The following GMDS variants were observed in gnomAD, a reference collection of about 807,000 sequenced individuals.
GMDS encodes GDP-mannose 4,6 dehydratase.
A neutral mutation model predicts 49.9 loss-of-function variants in GMDS; 20 were observed. The observed-to-expected ratio is 0.40, with a 90% CI of 0.28 to 0.58. The LOEUF is 0.58. Ranked by LOEUF, GMDS falls within the 20% of genes least tolerant of loss-of-function variation. GMDS has a pLI of 0.42. For synonymous variants in GMDS, 177 were observed against 178.6 expected (o/e 0.99, Z 0.07); for missense variants, 362 against 481.4 (o/e 0.75, Z 2.32).
chr6:2,185,067 C>G (rs572195879), intron 1 of GMDS, among the ~76,000 whole-genome samples: 1 of 152,202 alleles, frequency 6.6e-6, no homozygotes. Context: ...GGAGGATAGG[C>G]TATTGGTCAA....
At chr6:2,001,076 C>T (rs1320629254) in intron 4 of GMDS, among the ~76,000 whole-genome samples, 1 of 152,160 alleles carries the variant, frequency 6.6e-6, no homozygotes, top group East Asian at 1.9e-4. Flanking sequence ...AGACTGTTTG[C>T]AGAAGTGGCT....
At chr6:1,678,239 T>G (rs963604174) in intron 9 of GMDS, among the ~76,000 whole-genome samples, 2 of 152,094 alleles carry the variant, frequency 1.3e-5, no homozygotes, top group African/African-American at 4.8e-5. Flanking sequence ...AGTAACCATT[T>G]TGAAATATAC....
At chr6:1,805,520 C>T (rs1017131208) in intron 7 of GMDS, among the ~76,000 whole-genome samples, 1 of 152,124 alleles carries the variant, frequency 6.6e-6, no homozygotes, top group African/African-American at 2.4e-5. Context: ...AGGGCAAAAC[C>T]ATTTTTATGA....
At chr6:2,038,201 C>A (rs1021806752) in intron 4 of GMDS, among the ~76,000 whole-genome samples, 3 of 152,146 alleles carry the variant, frequency 2.0e-5, no homozygotes, top group Admixed American at 2.0e-4. Context: ...TTTGTCCCAG[C>A]CTTGCATCAG....
At position 2,010,594 on chromosome 6, in the gene GMDS, A is replaced by G. The variant is rs554761663; in HGVS notation, c.346-49628T>C. Among the ~76,000 whole-genome samples, 3 of 152,274 alleles carry G rather than the reference A, an allele frequency of 2.0e-5. No homozygotes were observed. The South Asian group carries it at 6.2e-4, about 32-fold the overall frequency. On this transcript the variant is annotated intron_variant, in intron 4 of 10. Coordinates refer to ENST00000380815, the MANE Select transcript of GMDS (RefSeq NM_001500.4). ...ATGAAGATGTTGGCTGACACAAACAAGAGCTGAAAAAATTCACTGAGAGCA... is the reference window on the plus strand; with the variant it reads ...ATGAAGATGTTGGCTGACACAAACAGGAGCTGAAAAAATTCACTGAGAGCA...
chr6:1,907,014 A>C (rs1175148887), intron 7 of GMDS, among the ~76,000 whole-genome samples: 1 of 152,104 alleles, frequency 6.6e-6, no homozygotes, highest in African/African-American at 2.4e-5. Context: ...GAGAACTCAG[A>C]TGCACTGCAA....
chr6:1,992,885 C>A (rs1053952421), intron 4 of GMDS, among the ~76,000 whole-genome samples: 1 of 152,168 alleles, frequency 6.6e-6, no homozygotes, highest in African/African-American at 2.4e-5. Context: ...AACAGGCTTC[C>A]TCTGGTATTC....
At chr6:2,107,886 T>C (rs1774330539) in intron 4 of GMDS, among the ~76,000 whole-genome samples, 1 of 152,350 alleles carries the variant, frequency 6.6e-6, no homozygotes. Context: ...CACTGCTCTT[T>C]AACAAGTAAA....
At chr6:2,145,636 G>A (rs993987865) in intron 1 of GMDS, among the ~76,000 whole-genome samples, 3 of 151,916 alleles carry the variant, frequency 2.0e-5, no homozygotes, top group African/African-American at 4.8e-5. Flanking sequence ...AACGTCAGAT[G>A]GAAAATATTC....
intron 4 of GMDS, among the ~76,000 whole-genome samples, chr6:2,016,846 T>C (rs186966018): frequency 4.2e-4 from 64 of 152,148 alleles, no homozygotes; most frequent in African/African-American, 1.2e-3. Flanking sequence ...CAAGAGAAAT[T>C]AGAATATGTA....
chr6:1,707,877 T>G (rs1235320205), intron 9 of GMDS, among the ~76,000 whole-genome samples: 1 of 152,224 alleles, frequency 6.6e-6, no homozygotes, highest in Non-Finnish European at 1.5e-5. Context: ...AGGCTTGTGT[T>G]GGCAGGGCTG....
At chr6:1,993,978 C>T (rs1190248065) in intron 4 of GMDS, among the ~76,000 whole-genome samples, 3 of 152,194 alleles carry the variant, frequency 2.0e-5, no homozygotes, top group Non-Finnish European at 4.4e-5. Context: ...CCACACTTTT[C>T]TAGTGCTTGA....
chr6:2,096,098 C>T (rs1036982949), intron 4 of GMDS, among the ~76,000 whole-genome samples: 8 of 152,076 alleles, frequency 5.3e-5, no homozygotes, highest in East Asian at 3.9e-4. Flanking sequence ...CAGAAAGAAA[C>T]GCCAGAATTT....
intron 1 of GMDS, among the ~76,000 whole-genome samples, chr6:2,160,225 C>A (rs996605368): frequency 2.6e-5 from 4 of 152,174 alleles, no homozygotes; most frequent in Non-Finnish European, 5.9e-5. Context: ...GCCAAAATAT[C>A]ATATCTGAAC....
intron 7 of GMDS, among the ~76,000 whole-genome samples, chr6:1,873,025 C>G (rs547926590): frequency 6.6e-6 from 1 of 152,192 alleles, no homozygotes; most frequent in African/African-American, 2.4e-5. Context: ...CCCACTCTTT[C>G]GTCAGTCTGC....
chr6:1,870,414 C>T (rs537367330), intron 7 of GMDS, among the ~76,000 whole-genome samples: 3 of 152,234 alleles, frequency 2.0e-5, no homozygotes, highest in South Asian at 4.2e-4. Context: ...ATGCCTGTGC[C>T]AATCAAGCCA....
intron 8 of GMDS, among the ~76,000 whole-genome samples, chr6:1,737,866 T>A (rs1561769279): frequency 9.0e-6 from 1 of 111,472 alleles, no homozygotes; most frequent in African/African-American, 3.6e-5. Flanking sequence ...TATGCACACA[T>A]ACACACATAC....
At chr6:2,003,588 C>T (rs546378487) in intron 4 of GMDS, among the ~76,000 whole-genome samples, 8 of 152,244 alleles carry the variant, frequency 5.3e-5, no homozygotes, top group African/African-American at 1.2e-4. Context: ...AGACTTGCTA[C>T]GACTGAAGAG....
intron 1 of GMDS, among the ~76,000 whole-genome samples, chr6:2,209,781 T>A (rs886539096): frequency 6.6e-6 from 1 of 152,024 alleles, no homozygotes; most frequent in African/African-American, 2.4e-5. Context: ...ATCTTCGGGG[T>A]TCTAATACGA....
Sources: gnomAD v4.1 joint callset for allele counts (sites outside exome capture counted in the v4.1 genomes callset) on GRCh38, gnomAD v4.1.1 for gene constraint, MANE v1.5 for transcripts, NCBI Gene and HGNC (gene_info 2026-07-23, HGNC 2026-07-21) for gene names.